CXCL13: variants seen among roughly 807,000 people sequenced by gnomAD.
The protein encoded by CXCL13 is C-X-C motif chemokine ligand 13.
Under a neutral mutation model 12.2 loss-of-function variants are expected in CXCL13, and 7 were observed. That is an observed-to-expected ratio of 0.57 (90% CI 0.33 to 1.07). CXCL13 has a LOEUF of 1.07. Among genes scored for constraint, CXCL13 ranks in the 50% least tolerant of loss-of-function variants. The pLI, the probability that CXCL13 is intolerant of heterozygous loss-of-function variation, is 0.04. For synonymous variants in CXCL13, 47 were observed against 42.4 expected (o/e 1.11, Z -0.42); for missense variants, 113 against 127.4 (o/e 0.89, Z 0.55).
chr4:77,604,628 T>C (rs1423243189), upstream of CXCL13, among the ~76,000 whole-genome samples: 1 of 151,850 alleles, frequency 6.6e-6, no homozygotes, highest in Non-Finnish European at 1.5e-5. Flanking sequence ...TGCCAAACAA[T>C]AGAATAACCT....
At position 77,570,366 on chromosome 4, in the gene CXCL13, C is replaced by T. The variant is rs544826029; in HGVS notation, c.-42-35458C>T. Among the ~76,000 whole-genome samples, 9 of 152,298 alleles carry T rather than the reference C, an allele frequency of 5.9e-5. No homozygotes were observed. The South Asian group carries it at 1.5e-3, about 25-fold the overall frequency. ...TGGGAGAAAATTTTTGCAATCTATG[C>T]CTCTGACAAAGGTCTAATATCCAGC... is the stretch of plus-strand genomic sequence containing the variant. On this transcript the variant is annotated intron_variant, in intron 1 of 4. Transcript: ENST00000286758.
intron 1 of CXCL13, among the ~76,000 whole-genome samples, chr4:77,559,437 T>G (rs1725746809): frequency 6.6e-6 from 1 of 152,148 alleles, no homozygotes; most frequent in African/African-American, 2.4e-5. Flanking sequence ...AGTCATTGGA[T>G]GTGGACGACC....
intron 1 of CXCL13, among the ~76,000 whole-genome samples, chr4:77,570,427 TC>T (rs1169444835): frequency 1.3e-5 from 2 of 151,954 alleles, no homozygotes; most frequent in Non-Finnish European, 2.9e-5. Context: ...AACCAAACAA[TC>T]CCACTAAAAA....
intron 1 of CXCL13, among the ~76,000 whole-genome samples, chr4:77,589,324 A>G (rs1438758869): frequency 6.6e-6 from 1 of 152,048 alleles, no homozygotes; most frequent in African/African-American, 2.4e-5. Flanking sequence ...CATCCACACC[A>G]TCTATGTATC....
At chr4:77,568,402 T>G (rs1725986526) in intron 1 of CXCL13, among the ~76,000 whole-genome samples, 1 of 152,198 alleles carries the variant, frequency 6.6e-6, no homozygotes, top group African/African-American at 2.4e-5. Context: ...ACCTCTTCTC[T>G]CCAACCGTTT....
At chr4:77,601,433 C>T (rs1186558472), upstream of CXCL13, among the ~76,000 whole-genome samples, 1 of 152,024 alleles carries the variant, frequency 6.6e-6, no homozygotes, top group African/African-American at 2.4e-5. Flanking sequence ...AAAAATAAAA[C>T]ACCCCCTGTG....
chr4:77,592,131 C>T (rs191966548), intron 1 of CXCL13, among the ~76,000 whole-genome samples: 3 of 152,324 alleles, frequency 2.0e-5, no homozygotes, highest in African/African-American at 7.2e-5. Context: ...GAGATATCTG[C>T]ACCCCCATGT....
At chr4:77,532,477 C>T (rs540621642) in intron 1 of CXCL13, among the ~76,000 whole-genome samples, 9 of 152,284 alleles carry the variant, frequency 5.9e-5, no homozygotes, top group African/African-American at 1.2e-4. Context: ...CTGCCCTTAA[C>T]ATTTTTTCCT....
At chr4:77,514,812 T>G (rs950603023) in intron 1 of CXCL13, among the ~76,000 whole-genome samples, 25 of 152,206 alleles carry the variant, frequency 1.6e-4, no homozygotes, top group Admixed American at 5.2e-4. Flanking sequence ...TTAGTTTAAT[T>G]AGATCCCATT....
Position 77,517,692 on chromosome 4 carries a change from T to C in CXCL13, c.-43+5904T>C, listed in dbSNP as rs530154066. Reference sequence around the variant, plus strand: ...TTCCTCCATCCCTTTATTTTGAGCCTATGTGTGTCTCTGCATGTGAGATGG... The same window carrying C: ...TTCCTCCATCCCTTTATTTTGAGCCCATGTGTGTCTCTGCATGTGAGATGG... On this transcript the variant is annotated intron_variant, in intron 1 of 4. Transcript: ENST00000286758. Among the ~76,000 whole-genome samples, 13 of 152,334 alleles carry C rather than the reference T, an allele frequency of 8.5e-5. No individual in the cohort carries two copies. In the South Asian group the frequency reaches 2.1e-3, roughly 24 times the overall value.
At chr4:77,595,776 A>T (rs1726737014) in intron 1 of CXCL13, among the ~76,000 whole-genome samples, 1 of 152,136 alleles carries the variant, frequency 6.6e-6, no homozygotes, top group Non-Finnish European at 1.5e-5. Flanking sequence ...TCCTGTGAGG[A>T]TGCTGTTCTG....
upstream of CXCL13, among the ~76,000 whole-genome samples, chr4:77,603,917 T>A (rs540299292): frequency 5.9e-5 from 9 of 152,296 alleles, no homozygotes; most frequent in South Asian, 1.9e-3. Flanking sequence ...ATTATCCTCA[T>A]GTGGAAAGTG....
chr4:77,591,955 GAAT>G (rs1726623089), intron 1 of CXCL13, among the ~76,000 whole-genome samples: 1 of 152,190 alleles, frequency 6.6e-6, no homozygotes, highest in South Asian at 2.1e-4. Context: ...TGTAAAAAGG[GAAT>G]AATGTCTGTC....
At chr4:77,529,674 G>C (rs1724855945) in intron 1 of CXCL13, among the ~76,000 whole-genome samples, 1 of 152,076 alleles carries the variant, frequency 6.6e-6, no homozygotes, top group South Asian at 2.1e-4. Flanking sequence ...GGAGATTTTG[G>C]GCAGCGACGA....
At chr4:77,559,386 T>G (rs1006666587) in intron 1 of CXCL13, among the ~76,000 whole-genome samples, 5 of 152,168 alleles carry the variant, frequency 3.3e-5, no homozygotes, top group Non-Finnish European at 7.4e-5. Context: ...ATATTCCTAA[T>G]TGGGGTGAGA....
rs149195141 is a variant in CXCL13 at position 77,611,008 on chromosome 4, C to G, written c.299C>G (p.Pro100Arg). The part of the protein sequence containing the change: ...VLRKRSSSTL[P>R]VPVFKRKIP The stretch of plus-strand genomic sequence containing the variant: ...CACAGAAGAAGTTCTTCAACTCTAC[C>G]AGTTCCAGTGTTTAAGAGAAAGATT... The change falls in exon 4 of 4, where the codon CCA becomes CGA. Residue 100 changes from proline to arginine, a missense_variant. Physicochemically the swap from Pro to Arg is moderately radical, Grantham distance 103. Coordinates refer to ENST00000682537, the MANE Select transcript of CXCL13 (RefSeq NM_001371558.1). The G allele has an allele frequency of 6.2e-7, 1 of 1,611,230 alleles. No individual in the cohort carries two copies. The highest frequency in any genetic ancestry group is 8.5e-7 in the Non-Finnish European group (1 of 1,179,538).
At chr4:77,514,268 G>A (rs1724351711) in intron 1 of CXCL13, among the ~76,000 whole-genome samples, 1 of 151,994 alleles carries the variant, frequency 6.6e-6, no homozygotes, top group South Asian at 2.1e-4. Context: ...ATAAACATAT[G>A]TGTGCATGTG....
intron 1 of CXCL13, among the ~76,000 whole-genome samples, chr4:77,582,195 C>A (rs1019359637): frequency 6.7e-6 from 1 of 149,808 alleles, no homozygotes; most frequent in Non-Finnish European, 1.5e-5. Context: ...GGATGAATAC[C>A]CCCTCCCTCT....
intron 1 of CXCL13, among the ~76,000 whole-genome samples, chr4:77,552,817 T>C (rs930617194): frequency 6.6e-6 from 1 of 152,198 alleles, no homozygotes; most frequent in Non-Finnish European, 1.5e-5. Flanking sequence ...GAGATCTGCC[T>C]GGGGGTAAAA....
Sources: gnomAD v4.1 joint callset for allele counts (sites outside exome capture counted in the v4.1 genomes callset) on GRCh38, gnomAD v4.1.1 for gene constraint, MANE v1.5 for transcripts, NCBI Gene and HGNC (gene_info 2026-07-23, HGNC 2026-07-21) for gene names.